Variants in ZNF211 observed in about 807,000 individuals in gnomAD.
The protein encoded by ZNF211 is zinc finger protein 211.
Under a neutral mutation model 12.1 loss-of-function variants are expected in ZNF211, and 18 were observed. That is an observed-to-expected ratio of 1.48 (90% confidence interval 1.03 to 2.20). The LOEUF (loss-of-function observed/expected upper bound fraction) is 2.20, where lower values mean the gene tolerates loss of function less well. ZNF211 is among the 30% of genes most tolerant of loss of function. ZNF211 has a pLI of 0.00. For synonymous variants in ZNF211, 249 were observed against 246.0 expected (o/e 1.01, Z -0.11); for missense variants, 677 against 703.1 (o/e 0.96, Z 0.42).
chr19:57,640,201 T>C (rs1982711070), intron 3 of ZNF211: 1 of 1,115,164 alleles, frequency 9.0e-7, no homozygotes, highest in South Asian at 1.7e-5. Flanking sequence ...TACTTGTCAT[T>C]TTTATTTTGA....
chr19:57,634,109 C>T, intron 2 of ZNF211, 48 bp downstream of exon 2: 1 of 1,506,978 alleles, frequency 6.6e-7, no homozygotes, highest in Non-Finnish European at 8.9e-7. Flanking sequence ...TGTCCCTCCA[C>T]CCTCCCCAGA....
intron 3 of ZNF211, among the ~76,000 whole-genome samples, chr19:57,639,112 C>G (rs1227907500): frequency 6.6e-6 from 1 of 152,042 alleles, no homozygotes; most frequent in Non-Finnish European, 1.5e-5. Flanking sequence ...AAGCAAATCT[C>G]TTGTAGACAT....
rs1237223150 is a variant in ZNF211, at chr19:57,643,850, G to A, written c.*1669G>A. Among the ~76,000 whole-genome samples, 5 of 152,010 alleles carry A rather than the reference G, an allele frequency of 3.3e-5. No individual in the cohort carries two copies. The highest frequency in any genetic ancestry group is 3.3e-4 in the Admixed American group (5 of 15,258). On this transcript the variant is annotated 3_prime_UTR_variant, in exon 4 of 4. Transcript: ENST00000240731. ...TAATATATGATTTTATTAATAAAATGTCTTTTTTTCCAGTTTCATTCATGA... is the reference window on the plus strand; with the variant it reads ...TAATATATGATTTTATTAATAAAATATCTTTTTTTCCAGTTTCATTCATGA...
Position 57,643,617 on chromosome 19 carries a change from C to G in ZNF211, c.*1436C>G, listed in dbSNP as rs1355091847. Among the ~76,000 whole-genome samples the G allele has an allele frequency of 6.6e-6, 1 of 152,152 alleles. No homozygotes were observed. Among genetic ancestry groups the G allele is most frequent in the African/African-American group, 2.4e-5 (1 of 41,440 alleles). ...TGCTGCCCACTGAGGCAAGGTGTCC[C>G]TCCAAGGTCATCAGGAAAGAGAGTT... is the stretch of plus-strand genomic sequence containing the variant. On this transcript the variant is annotated 3_prime_UTR_variant, in exon 4 of 4. Transcript: ENST00000240731.
chr19:57,640,303 T>C (rs1032885391), intron 3 of ZNF211, among the ~76,000 whole-genome samples: 1 of 152,274 alleles, frequency 6.6e-6, no homozygotes, highest in Admixed American at 6.5e-5. Context: ...AATATTATTT[T>C]GTCCTGAAGT....
rs547012667 is a variant in ZNF211 at position 57,640,796 on chromosome 19, T to G, written c.349T>G (p.Ser117Ala). Reference sequence around the variant, plus strand: ...ACAGTTCAGGACTTCCAAAGAAGGTTCATCTTCCCAGAATGCCGACTCCTG... The same window carrying G: ...ACAGTTCAGGACTTCCAAAGAAGGTGCATCTTCCCAGAATGCCGACTCCTG... Reference protein sequence around the residue: ...VPQFRTSKEGSSSQNADSCEI... With the variant: ...VPQFRTSKEGASSQNADSCEI... The change falls in exon 4 of 4, where the codon TCA (serine) becomes GCA (alanine). Residue 117 changes from serine to alanine, a missense_variant. Physicochemically the swap from Ser to Ala is moderately conservative, Grantham distance 99 (BLOSUM62 1). Transcript: ENST00000240731. 2.5e-6 allele frequency: 4 copies of G among 1,614,222 alleles called. No homozygotes were observed. The African/African-American group carries it at 5.3e-5, about 22-fold the overall frequency.
At chr19:57,634,494 C>A in intron 2 of ZNF211, 135 bp from the exon 3 acceptor site, 2 of 1,060,784 alleles carry the variant, frequency 1.9e-6, no homozygotes, top group South Asian at 2.2e-5. Context: ...TGTGAAGAGA[C>A]AGCAGGGATC....
At chr19:57,636,474 A>C (rs542583928) in intron 3 of ZNF211, among the ~76,000 whole-genome samples, 3 of 152,290 alleles carry the variant, frequency 2.0e-5, no homozygotes, top group African/African-American at 7.2e-5. Flanking sequence ...TCCTAGCATC[A>C]TGTGTTAAAA....
chr19:57,633,986 A>C, intron 1 of ZNF211, 37 bp from the exon 2 acceptor site: 1 of 1,597,628 alleles, frequency 6.3e-7, no homozygotes, highest in Non-Finnish European at 8.5e-7. Context: ...GAGCACTGCC[A>C]TGATCACATT....
chr19:57,638,708 C>G (rs937338011), intron 3 of ZNF211, among the ~76,000 whole-genome samples: 1 of 152,146 alleles, frequency 6.6e-6, no homozygotes, highest in African/African-American at 2.4e-5. Flanking sequence ...GTAGAATGCT[C>G]TTTATATATT....
Position 57,642,274 on chromosome 19 carries a change from A to C in ZNF211, c.*93A>C. The stretch of plus-strand genomic sequence containing the variant: ...AAGTACCTGATTTGGAAGCCCCAAC[A>C]TCTAAGGATATACAGTGGGCGGATT... On this transcript the variant is annotated 3_prime_UTR_variant, in exon 4 of 4. Transcript: ENST00000240731. 3 of 1,360,970 alleles carry C rather than the reference A, an allele frequency of 2.2e-6. No individual in the cohort carries two copies. In the South Asian group the frequency reaches 4.3e-5, roughly 19 times the overall value. 84.3% of individuals were successfully genotyped at this position (1,360,970 alleles called of 1,614,324 possible).
At chr19:57,633,938 G>T (rs760727790) in intron 1 of ZNF211, 85 bp from the exon 2 acceptor site, 3 of 1,608,234 alleles carry the variant, frequency 1.9e-6, no homozygotes, top group Non-Finnish European at 2.6e-6. Flanking sequence ...ACGTGGCTCT[G>T]GGCCGGGGCA....
rs1381600401 is a variant in ZNF211 at position 57,641,298 on chromosome 19, A to G, written c.851A>G (p.Asn284Ser). The G allele has an allele frequency of 7.4e-6, 12 of 1,614,090 alleles. No individual in the cohort carries two copies. Among genetic ancestry groups the G allele is most frequent in the African/African-American group, 1.3e-5 (1 of 74,930 alleles). Residue 284 changes from asparagine to serine, a missense_variant, in exon 4 of 4, where the codon AAC becomes AGC. By Grantham distance (46) the Asn-to-Ser change is conservative. Coordinates refer to ENST00000240731, the MANE Select transcript of ZNF211 (RefSeq NM_006385.5). Reference sequence around the variant, plus strand: ...GGGAAAGCATGTACGCGAAGATGTAACCTCATTCAGCACCAGAAAGTCCAC... The same window carrying G: ...GGGAAAGCATGTACGCGAAGATGTAGCCTCATTCAGCACCAGAAAGTCCAC... ...KCGKACTRRCNLIQHQKVHSE... is the reference protein window; with the variant it reads ...KCGKACTRRCSLIQHQKVHSE...
At chr19:57,639,238 A>G (rs1283354891) in intron 3 of ZNF211, among the ~76,000 whole-genome samples, 2 of 151,628 alleles carry the variant, frequency 1.3e-5, no homozygotes, top group Non-Finnish European at 2.9e-5. Flanking sequence ...TAAGGTAATC[A>G]CTGATAAGGA....
rs549630438 is a variant in ZNF211, at chr19:57,642,433, A to G, written c.*252A>G. 17 of 465,898 alleles carry G rather than the reference A, an allele frequency of 3.6e-5. No homozygotes were observed. In the South Asian group the frequency reaches 6.0e-4, roughly 16 times the overall value. 28.9% of individuals were successfully genotyped at this position (465,898 alleles called of 1,614,324 possible). ...CTGAGGCAGAAGCCGTATCATGTCT[A>G]CCACCTGTGAGGTCCACACAGTGTG... is the stretch of plus-strand genomic sequence containing the variant. On this transcript the variant is annotated 3_prime_UTR_variant, in exon 4 of 4. Coordinates refer to ENST00000240731, the MANE Select transcript of ZNF211 (RefSeq NM_006385.5).
intron 3 of ZNF211, among the ~76,000 whole-genome samples, chr19:57,636,801 T>C (rs1038677845): frequency 1.3e-5 from 2 of 152,214 alleles, no homozygotes; most frequent in Admixed American, 6.5e-5. Context: ...CTTTGGCTAG[T>C]ATAGACATCT....
Position 57,640,886 on chromosome 19 carries a change from G to A in ZNF211, c.439G>A (p.Gly147Arg), listed in dbSNP as rs138833683. The A allele has an allele frequency of 3.2e-5, 52 of 1,614,174 alleles. No homozygotes were observed. The African/African-American group carries it at 4.8e-4, about 15-fold the overall frequency. The change falls in exon 4 of 4, where the codon GGG (glycine) becomes AGG (arginine). Residue 147 changes from glycine (G) to arginine (R), a missense_variant. Coordinates refer to ENST00000240731, the MANE Select transcript of ZNF211 (RefSeq NM_006385.5). ...GGCTGAACACCAAGGAACAAACTGC[G>A]GGCAGAAACTACACACATGTGGAAA... ...HLAEHQGTNCGQKLHTCGKQF... is the reference protein window; with the variant it reads ...HLAEHQGTNCRQKLHTCGKQF...
rs1384856241 is a variant in ZNF211, at chr19:57,641,274, G to C, written c.827G>C (p.Gly276Ala). Residue 276 changes from glycine (G) to alanine (A), a missense_variant, in exon 4 of 4, where the codon GGG becomes GCG. Gly to Ala is a moderately conservative substitution (Grantham distance 60). Coordinates refer to ENST00000240731, the MANE Select transcript of ZNF211 (RefSeq NM_006385.5). The part of the protein sequence containing the change: ...REGLFECSKC[G>A]KACTRRCNLI... ...GGACTTTTTGAGTGCAGTAAATGTG[G>C]GAAAGCATGTACGCGAAGATGTAAC... 3.7e-6 allele frequency: 6 copies of C among 1,614,082 alleles called. No homozygotes were observed. The African/African-American group carries it at 8.0e-5, about 22-fold the overall frequency.
At chr19:57,634,880 ATGT>A (rs1568637611) in intron 3 of ZNF211, 125 bp downstream of exon 3, 1 of 1,319,938 alleles carries the variant, frequency 7.6e-7, no homozygotes, top group Non-Finnish European at 9.7e-7. Context: ...CCCTGGGTAG[ATGT>A]TGTGGACTGA....
Sources: allele counts gnomAD v4.1 joint callset (sites outside exome capture counted in the v4.1 genomes callset), GRCh38; gene constraint gnomAD v4.1.1; transcripts MANE v1.5; gene names NCBI Gene and HGNC (gene_info 2026-07-23, HGNC 2026-07-21).